Variants in MYT1L observed in about 807,000 individuals in gnomAD.
The protein encoded by MYT1L is myelin transcription factor 1 like, also known as myelin transcription factor 1-like protein.
MYT1L carries 12 observed loss-of-function variants against 126.7 expected under a neutral mutation model. The ratio of observed to expected loss-of-function variants is 0.09; its 90% CI spans 0.06 to 0.15. MYT1L has a LOEUF of 0.15. Ranked by LOEUF, MYT1L falls within the 10% of genes least tolerant of loss-of-function variation. The pLI is 1.00. For synonymous variants in MYT1L, 541 were observed against 604.2 expected (o/e 0.90, Z 1.53); for missense variants, 979 against 1,585.2 (o/e 0.62, Z 6.49).
At chr2:2,052,524 T>C (rs1207207579) in intron 4 of MYT1L, among the ~76,000 whole-genome samples, 1 of 152,118 alleles carries the variant, frequency 6.6e-6, no homozygotes, top group African/African-American at 2.4e-5. Context: ...GCAGAAGATA[T>C]TTGCAAATCA....
intron 2 of MYT1L, among the ~76,000 whole-genome samples, chr2:2,186,299 G>A (rs1182049036): frequency 6.7e-6 from 1 of 149,640 alleles, no homozygotes; most frequent in Non-Finnish European, 1.5e-5. Context: ...GGGGGACGTA[G>A]CCGGGCCTCC....
intron 3 of MYT1L, among the ~76,000 whole-genome samples, chr2:2,151,324 T>C (rs942956369): frequency 6.6e-6 from 1 of 152,052 alleles, no homozygotes; most frequent in Non-Finnish European, 1.5e-5. Flanking sequence ...GAAAACAAAA[T>C]CTATAGTCAG....
intron 23 of MYT1L, among the ~76,000 whole-genome samples, chr2:1,796,850 A>G (rs912994328): frequency 6.6e-6 from 1 of 151,940 alleles, no homozygotes; most frequent in Non-Finnish European, 1.5e-5. Flanking sequence ...GGCTCTCAGC[A>G]CTCATGTGGT....
intron 9 of MYT1L, among the ~76,000 whole-genome samples, chr2:1,926,374 T>C (rs936881500): frequency 2.6e-5 from 4 of 152,154 alleles, no homozygotes; most frequent in Admixed American, 6.5e-5. Context: ...ATTCCCTCCC[T>C]GGTTGTACAC....
chr2:1,897,973 GA>G (rs1274285579), intron 14 of MYT1L, among the ~76,000 whole-genome samples: 2 of 151,902 alleles, frequency 1.3e-5, no homozygotes, highest in African/African-American at 4.8e-5. Flanking sequence ...TCTACTGCAG[GA>G]AAAAAGGAAA....
chr2:2,187,109 C>T (rs899584731), intron 2 of MYT1L, among the ~76,000 whole-genome samples: 9 of 152,158 alleles, frequency 5.9e-5, no homozygotes, highest in African/African-American at 2.2e-4. Flanking sequence ...GTTGCAGGCA[C>T]AGTGAGTGAC....
intron 3 of MYT1L, among the ~76,000 whole-genome samples, chr2:2,152,545 G>C (rs765838033): frequency 1.3e-5 from 2 of 152,112 alleles, no homozygotes; most frequent in African/African-American, 4.8e-5. Flanking sequence ...TGCAGGAGAC[G>C]ATTACATGGT....
At chr2:1,864,321 T>C (rs913838996) in intron 18 of MYT1L, among the ~76,000 whole-genome samples, 1 of 152,206 alleles carries the variant, frequency 6.6e-6, no homozygotes, top group Non-Finnish European at 1.5e-5. Context: ...GCCTAGGGGC[T>C]GCACCCTCCA....
chr2:2,126,258 T>C (rs1221502467), intron 3 of MYT1L, among the ~76,000 whole-genome samples: 1 of 152,260 alleles, frequency 6.6e-6, no homozygotes, highest in East Asian at 1.9e-4. Context: ...GGGATGTCCA[T>C]GCTCAATAAA....
intron 3 of MYT1L, among the ~76,000 whole-genome samples, chr2:2,094,051 T>A (rs1020129656): frequency 3.3e-5 from 5 of 152,212 alleles, no homozygotes; most frequent in African/African-American, 1.2e-4. Context: ...TTGGTCTATA[T>A]CTCTATTTCA....
chr2:2,132,209 G>C (rs1575392753), intron 3 of MYT1L, among the ~76,000 whole-genome samples: 1 of 152,016 alleles, frequency 6.6e-6, no homozygotes, highest in East Asian at 1.9e-4. Flanking sequence ...GCCCAGCCGA[G>C]AGTTCATCAT....
At chr2:1,839,537 C>T (rs2041369966) in intron 20 of MYT1L, among the ~76,000 whole-genome samples, 167 bp from the exon 21 acceptor site, 1 of 152,250 alleles carries the variant, frequency 6.6e-6, no homozygotes, top group African/African-American at 2.4e-5. Context: ...CACTAAAAGA[C>T]ACCACCTAGT....
chr2:1,966,770 T>C lies in MYT1L; in HGVS notation c.152+12395A>G, dbSNP rs531638831. On this transcript the variant is annotated intron_variant, in intron 8 of 24. Coordinates refer to ENST00000647738, the MANE Select transcript of MYT1L (RefSeq NM_001303052.2). ...TGGAAACAAGCTCATGTTATAATGT[T>C]AAGTGAAAAAAAAAAAGAATACAAA... is the stretch of plus-strand genomic sequence containing the variant. Among the ~76,000 whole-genome samples the C allele has an allele frequency of 4.7e-5, 6 of 127,266 alleles. No homozygotes were observed. In the South Asian group the frequency reaches 1.4e-3, roughly 30 times the overall value. The allele number at this position is 127,266 out of a possible 152,430, so 83.5% of individuals were successfully genotyped here.
At chr2:2,101,790 T>C (rs1433359198) in intron 3 of MYT1L, among the ~76,000 whole-genome samples, 5 of 152,224 alleles carry the variant, frequency 3.3e-5, no homozygotes, top group Non-Finnish European at 7.3e-5. Flanking sequence ...AGAGGTGTTG[T>C]AAAGATTGAA....
chr2:1,880,363 A>G (rs1043183437), intron 18 of MYT1L, among the ~76,000 whole-genome samples: 4 of 151,940 alleles, frequency 2.6e-5, no homozygotes, highest in Admixed American at 6.6e-5. Context: ...TTCGAGACAG[A>G]CTCTCACTCT....
chr2:2,147,241 C>T (rs2085027792), intron 3 of MYT1L, among the ~76,000 whole-genome samples: 1 of 152,214 alleles, frequency 6.6e-6, no homozygotes, highest in Non-Finnish European at 1.5e-5. Context: ...ACAGCCTCCT[C>T]AGCCTGGATG....
intron 3 of MYT1L, among the ~76,000 whole-genome samples, chr2:2,075,444 T>C (rs1030488448): frequency 1.3e-5 from 2 of 152,128 alleles, no homozygotes; most frequent in African/African-American, 4.8e-5. Context: ...TCTGAGGCTG[T>C]AGAAGTAAGA....
At chr2:2,131,713 T>C (rs1464983418) in intron 3 of MYT1L, among the ~76,000 whole-genome samples, 1 of 152,022 alleles carries the variant, frequency 6.6e-6, no homozygotes, top group Non-Finnish European at 1.5e-5. Context: ...AGAGCAGTGA[T>C]TGTGAGACGT....
At chr2:2,327,484 C>CA (rs1296432804) in intron 1 of MYT1L, among the ~76,000 whole-genome samples, 1 of 147,460 alleles carries the variant, frequency 6.8e-6, no homozygotes, top group Non-Finnish European at 1.5e-5. Context: ...AGAAGATATT[C>CA]AAAAAAAGAA....
Sources: gnomAD v4.1 joint callset for allele counts (sites outside exome capture counted in the v4.1 genomes callset) on GRCh38, gnomAD v4.1.1 for gene constraint, MANE v1.5 for transcripts, NCBI Gene and HGNC (gene_info 2026-07-23, HGNC 2026-07-21) for gene names.